CD5L: variants seen among roughly 807,000 people sequenced by gnomAD.
CD5L encodes the protein CD5 molecule like, also known as CD5 antigen-like.
Under a neutral mutation model 40.8 loss-of-function variants are expected in CD5L, and 39 were observed. The observed-to-expected ratio is 0.96, with a 90% confidence interval of 0.74 to 1.25. The LOEUF is 1.25. CD5L is among the 50% of genes most tolerant of loss of function. The pLI, the probability that CD5L is intolerant of heterozygous loss-of-function variation, is 0.00. For synonymous variants in CD5L, 192 were observed against 169.6 expected (o/e 1.13, Z -1.03); for missense variants, 433 against 435.9 (o/e 0.99, Z 0.06).
Position 157,831,150 on chromosome 1 carries a change from T to C in CD5L, c.*814A>G, listed in dbSNP as rs1656035759. On this transcript the variant is annotated 3_prime_UTR_variant, in exon 6 of 6. Coordinates refer to ENST00000368174, the MANE Select transcript of CD5L (RefSeq NM_005894.3). Reference sequence around the variant, plus strand: ...ACAACTTTAGCCCTCCCTGATCTCTTTCTGCCTCTTTCTTGACCTTTTCCC... The same window carrying C: ...ACAACTTTAGCCCTCCCTGATCTCTCTCTGCCTCTTTCTTGACCTTTTCCC... The C allele has an allele frequency of 1.0e-6, 1 of 985,164 alleles. No individual in the cohort carries two copies. Among genetic ancestry groups the C allele is most frequent in the South Asian group, 4.7e-5 (1 of 21,278 alleles). The allele number at this position is 985,164 out of a possible 1,614,324, so 61.0% of individuals were successfully genotyped here. A position where few individuals can be genotyped will look rare whatever the true frequency, so the allele number is the denominator to read the frequency against.
At chr1:157,827,268 ATGTGTGTG>A (rs4060881), downstream of CD5L, among the ~76,000 whole-genome samples, 51,727 of 143,022 alleles carry the variant, frequency 0.36, 9,008 homozygotes, top group Non-Finnish European at 0.39. Flanking sequence ...CAAATGGTGT[ATGTGTGTG>A]TGTGTGTGTG....
chr1:157,834,853 G>A (rs993283132), intron 3 of CD5L, 105 bp from the exon 4 acceptor site: 24 of 821,094 alleles, frequency 2.9e-5, no homozygotes, highest in Non-Finnish European at 4.1e-5. Context: ...TTCAGTACAA[G>A]GCATGCTAAA....
chr1:157,830,065 TA>T (rs2101933863), downstream of CD5L, among the ~76,000 whole-genome samples: 1 of 152,290 alleles, frequency 6.6e-6, no homozygotes, highest in South Asian at 2.1e-4. Context: ...AAATATTTAT[TA>T]AAAAATTGAG....
intron 5 of CD5L, among the ~76,000 whole-genome samples, chr1:157,832,313 G>A (rs1171028317): frequency 2.0e-5 from 3 of 152,212 alleles, no homozygotes; most frequent in Non-Finnish European, 2.9e-5. Flanking sequence ...ACATTACACA[G>A]CTTCAAAGTA....
At chr1:157,838,921 G>A (rs1464986518) in intron 2 of CD5L, among the ~76,000 whole-genome samples, 2 of 152,120 alleles carry the variant, frequency 1.3e-5, no homozygotes, top group South Asian at 2.1e-4. Flanking sequence ...AAGACTCCCC[G>A]AGCAGGAAAT....
At chr1:157,832,562 T>A (rs1656078007) in intron 5 of CD5L, among the ~76,000 whole-genome samples, 1 of 152,204 alleles carries the variant, frequency 6.6e-6, no homozygotes, top group African/African-American at 2.4e-5. Context: ...GGCTTCTTCC[T>A]TCAATCCTCT....
chr1:157,840,642 A>T (rs1172524972), intron 1 of CD5L, among the ~76,000 whole-genome samples: 1 of 152,136 alleles, frequency 6.6e-6, no homozygotes, highest in African/African-American at 2.4e-5. Flanking sequence ...CCAACCCAAC[A>T]TGTGTACATG....
At chr1:157,827,428 G>C (rs1456950495), downstream of CD5L, among the ~76,000 whole-genome samples, 1 of 152,144 alleles carries the variant, frequency 6.6e-6, no homozygotes, top group Non-Finnish European at 1.5e-5. Context: ...CTGATGGCCT[G>C]AGAACTAGAC....
intron 4 of CD5L, among the ~76,000 whole-genome samples, chr1:157,834,005 T>C (rs933259548): frequency 6.6e-6 from 1 of 152,140 alleles, no homozygotes; most frequent in Non-Finnish European, 1.5e-5. Flanking sequence ...TAGCTCTCCA[T>C]CATGTTCTAA....
Position 157,841,738 on chromosome 1 carries a change from G to A in CD5L, c.-37C>T, listed in dbSNP as rs1656380060. 3 of 1,602,648 alleles carry A rather than the reference G, an allele frequency of 1.9e-6. No individual in the cohort carries two copies. In the Admixed American group the frequency reaches 5.0e-5, roughly 27 times the overall value. On this transcript the variant is annotated 5_prime_UTR_variant, in exon 1 of 6. Transcript: ENST00000368174. ...GTGAAGGTGATGAGCTGAAATTTAA[G>A]GCTAGAAGGAGGTCCCCAAGCAGCA... is the stretch of plus-strand genomic sequence containing the variant.
chr1:157,831,632 C>G lies in CD5L; in HGVS notation c.*332G>C. 9 of 1,133,762 alleles carry G rather than the reference C, an allele frequency of 7.9e-6. No individual in the cohort carries two copies. The highest frequency in any genetic ancestry group is 9.7e-6 in the Non-Finnish European group (9 of 925,820). The allele number at this position is 1,133,762 out of a possible 1,614,324, so 70.2% of individuals were successfully genotyped here. A position where few individuals can be genotyped will look rare whatever the true frequency, so the allele number is the denominator to read the frequency against. ...TAGACCTTAGTAATGGTCTGCACAT[C>G]TGACCAAAGTGACAGGTTTGAGGAT... On this transcript the variant is annotated 3_prime_UTR_variant, in exon 6 of 6. Coordinates refer to ENST00000368174, the MANE Select transcript of CD5L (RefSeq NM_005894.3).
rs900252489 is a variant in CD5L, at chr1:157,834,715, C to G, written c.410G>C (p.Gly137Ala). ...PESSFSPVPE[G>A]VRLADGPGHC... ...CCCAGGGCCGTCAGCCAGCCTGACA[C>G]CCTCTGGGACTGGGGAGAAAGAGCT... Residue 137 changes from glycine (G) to alanine (A), a missense_variant, in exon 4 of 6, where the codon GGT (glycine) becomes GCT (alanine). Gly to Ala is a moderately conservative substitution (Grantham distance 60). Coordinates refer to ENST00000368174, the MANE Select transcript of CD5L (RefSeq NM_005894.3). The G allele has an allele frequency of 6.2e-7, 1 of 1,613,976 alleles. No individual in the cohort carries two copies. The highest frequency in any genetic ancestry group is 8.5e-7 in the Non-Finnish European group (1 of 1,179,902).
chr1:157,835,730 A>G, intron 3 of CD5L, 105 bp downstream of exon 3: 2 of 905,942 alleles, frequency 2.2e-6, no homozygotes, highest in Non-Finnish European at 3.4e-6. Flanking sequence ...GTGAGGGGCC[A>G]ATTAGCCATT....
chr1:157,839,488 C>T, intron 1 of CD5L, 78 bp from the exon 2 acceptor site: 1 of 1,475,262 alleles, frequency 6.8e-7, no homozygotes, highest in Non-Finnish European at 9.4e-7. Context: ...AAGGCCTTCA[C>T]AGAACTGTGT....
Position 157,831,438 on chromosome 1 carries a change from A to T in CD5L, c.*526T>A. On this transcript the variant is annotated 3_prime_UTR_variant, in exon 6 of 6. Coordinates refer to ENST00000368174, the MANE Select transcript of CD5L (RefSeq NM_005894.3). ...TGCTATTGTGGTCACCTGAAGCTTGAGGAAAAAAAAAAAAAGTAGTCCAAT... is the reference window on the plus strand; with the variant it reads ...TGCTATTGTGGTCACCTGAAGCTTGTGGAAAAAAAAAAAAAGTAGTCCAAT... The T allele has an allele frequency of 1.0e-6, 1 of 984,610 alleles. No homozygotes were observed. Among genetic ancestry groups the T allele is most frequent in the Non-Finnish European group, 1.2e-6 (1 of 829,428 alleles). 61.0% of individuals were successfully genotyped at this position (984,610 alleles called of 1,614,324 possible).
chr1:157,839,931 G>A (rs903496080), intron 1 of CD5L, among the ~76,000 whole-genome samples: 1 of 152,154 alleles, frequency 6.6e-6, no homozygotes, highest in African/African-American at 2.4e-5. Flanking sequence ...TTTCAGTTTT[G>A]TGGGCCATAC....
downstream of CD5L, among the ~76,000 whole-genome samples, chr1:157,830,690 G>A (rs1656023939): frequency 2.0e-5 from 3 of 152,222 alleles, no homozygotes; most frequent in African/African-American, 7.2e-5. Flanking sequence ...TATCAGAAGT[G>A]TGTTAGCCTG....
Position 157,831,574 on chromosome 1 carries a change from T to G in CD5L, c.*390A>C, listed in dbSNP as rs1185947804. 9.7e-7 allele frequency: 1 copy of G among 1,026,170 alleles called. No individual in the cohort carries two copies. The highest frequency in any genetic ancestry group is 5.8e-5 in the Admixed American group (1 of 17,386). The allele number at this position is 1,026,170 out of a possible 1,614,324, so 63.6% of individuals were successfully genotyped here. A position where few individuals can be genotyped will look rare whatever the true frequency, so the allele number is the denominator to read the frequency against. On this transcript the variant is annotated 3_prime_UTR_variant, in exon 6 of 6. Transcript: ENST00000368174. Reference sequence around the variant, plus strand: ...TTTAATGTTTGCAGACATAGATTAGTAATAGGACCTAGATTAGTAATGTTT... The same window carrying G: ...TTTAATGTTTGCAGACATAGATTAGGAATAGGACCTAGATTAGTAATGTTT...
intron 1 of CD5L, among the ~76,000 whole-genome samples, chr1:157,841,272 A>C (rs1656363562): frequency 6.6e-6 from 1 of 152,164 alleles, no homozygotes; most frequent in African/African-American, 2.4e-5. Flanking sequence ...TATATGAAAC[A>C]CTTTTCAGAG....
Sources: gnomAD v4.1 joint callset for allele counts (sites outside exome capture counted in the v4.1 genomes callset) on GRCh38, gnomAD v4.1.1 for gene constraint, MANE v1.5 for transcripts, NCBI Gene and HGNC (gene_info 2026-07-23, HGNC 2026-07-21) for gene names.